Variants in CYP4F12 observed in about 807,000 individuals in gnomAD.
The protein encoded by CYP4F12 is cytochrome P450 family 4 subfamily F member 12.
In CYP4F12, 60 loss-of-function variants were observed where a neutral mutation model predicts 56.5. The observed-to-expected ratio is 1.06, with a 90% CI of 0.86 to 1.32. The LOEUF (loss-of-function observed/expected upper bound fraction) is 1.32, where lower values mean the gene tolerates loss of function less well. Among genes scored for constraint, CYP4F12 ranks in the 40% most tolerant of loss-of-function variants. CYP4F12 has a pLI of 0.00. For missense variants in CYP4F12, 711 were observed against 683.5 expected (o/e 1.04, Z -0.45); for synonymous variants, 263 against 264.9 (o/e 0.99, Z 0.07).
At chr19:15,691,695 T>G (rs1217515001) in intron 9 of CYP4F12, among the ~76,000 whole-genome samples, 5 of 107,554 alleles carry the variant, frequency 4.6e-5, no homozygotes, top group East Asian at 1.1e-3. Flanking sequence ...ACAATTAATG[T>G]TTTTTTTTTC....
At chr19:15,692,717 G>C (rs1011708874) in intron 9 of CYP4F12, among the ~76,000 whole-genome samples, 12 of 152,108 alleles carry the variant, frequency 7.9e-5, no homozygotes, top group African/African-American at 2.9e-4. Flanking sequence ...CGCCAGAGTA[G>C]GGATAACCTT....
intron 6 of CYP4F12, among the ~76,000 whole-genome samples, chr19:15,682,849 T>C (rs915485476): frequency 3.3e-5 from 5 of 152,142 alleles, no homozygotes; most frequent in African/African-American, 4.8e-5. Flanking sequence ...TGATGATGGA[T>C]GTGATAAGAG....
intron 5 of CYP4F12, chr19:15,680,907 A>T: frequency 3.0e-6 from 1 of 331,576 alleles, no homozygotes; most frequent in Non-Finnish European, 5.9e-6. Context: ...GGAAGGGATC[A>T]CTCTTGGCAC....
intron 10 of CYP4F12, 30 bp from the exon 11 acceptor site, chr19:15,696,131 T>G: frequency 6.2e-7 from 1 of 1,612,584 alleles, no homozygotes. Context: ...CAGGGGATCC[T>G]TGTCCTGACT....
intron 9 of CYP4F12, among the ~76,000 whole-genome samples, chr19:15,695,507 A>T (rs868069818): frequency 1.2e-4 from 17 of 138,096 alleles, no homozygotes; most frequent in South Asian, 2.3e-4. Flanking sequence ...TAATAATAAA[A>T]AAAAAAAAAC....
rs747637199 is a variant in CYP4F12 at position 15,696,485 on chromosome 19, C to T, written c.1370C>T (p.Ala457Val). 17 of 1,614,094 alleles carry T rather than the reference C, an allele frequency of 1.1e-5. No homozygotes were observed. In the South Asian group the frequency reaches 1.9e-4, roughly 18 times the overall value. The change falls in exon 12 of 13, where the codon GCT becomes GTT. Residue 457 changes from alanine (A) to valine (V), a missense_variant. By Grantham distance (64) the Ala-to-Val change is moderately conservative. Coordinates refer to ENST00000550308, the MANE Select transcript of CYP4F12 (RefSeq NM_023944.4). The stretch of plus-strand genomic sequence containing the variant: ...AACAGCAAGGGGAGGTCACCTCTGG[C>T]TTTTATTCCTTTCTCCGCAGGGCCC... ...PENSKGRSPL[A>V]FIPFSAGPRN...
At chr19:15,693,499 A>G (rs1226045249) in intron 9 of CYP4F12, among the ~76,000 whole-genome samples, 2 of 150,746 alleles carry the variant, frequency 1.3e-5, no homozygotes, top group Admixed American at 6.6e-5. Flanking sequence ...TCTTTTGAGA[A>G]GTGTCTGTTC....
intron 3 of CYP4F12, among the ~76,000 whole-genome samples, chr19:15,679,591 T>C (rs1199790148): frequency 6.6e-6 from 1 of 152,222 alleles, no homozygotes; most frequent in African/African-American, 2.4e-5. Context: ...TTGGGGCATG[T>C]CAGAGACTTT....
At chr19:15,681,080 T>C (rs1000617577) in intron 5 of CYP4F12, 2 of 171,084 alleles carry the variant, frequency 1.2e-5, no homozygotes, top group Middle Eastern at 2.9e-3. Context: ...GTTGTTCACA[T>C]GGCAGAGACT....
In CYP4F12 at chr19:15,678,287, G is replaced by A. The variant is rs758732575; in HGVS notation, c.225G>A (p.Lys75=). 1 of 1,614,182 alleles carries A rather than the reference G, an allele frequency of 6.2e-7. No individual in the cohort carries two copies. Among genetic ancestry groups the A allele is most frequent in the South Asian group, 1.1e-5 (1 of 91,088 alleles). Residue 75 remains lysine (K), a synonymous_variant, in exon 3 of 13, where the codon AAG becomes AAA. Transcript: ENST00000550308. ...GLITPTEEGL[K]NSTQMSATYS... The stretch of plus-strand genomic sequence containing the variant: ...TCACTCCTACAGAGGAGGGCTTGAA[G>A]AACTCGACCCAGATGTCGGCCACCT...
Position 15,696,162 on chromosome 19 carries a change from C to A in CYP4F12, c.1251C>A (p.Gly417=). 6.2e-7 allele frequency: 1 copy of A among 1,613,890 alleles called. No homozygotes were observed. Among genetic ancestry groups the A allele is most frequent in the Non-Finnish European group, 8.5e-7 (1 of 1,179,874 alleles). ...TGACTGCCCCTTTCTCTCCCACAGG[C>A]ATTACCTGCCTCATCGATATTATAG... The part of the protein sequence containing the change: ...VLPDGRVIPK[G]ITCLIDIIGV... Residue 417 remains glycine, a splice_region_variant and synonymous_variant, in exon 11 of 13, where the codon GGC becomes GGA. Transcript: ENST00000550308.
Position 15,683,746 on chromosome 19 carries a change from G to A in CYP4F12, c.901G>A (p.Val301Met), listed in dbSNP as rs751700676. 3 of 1,564,098 alleles carry A rather than the reference G, an allele frequency of 1.9e-6. No individual in the cohort carries two copies. Among genetic ancestry groups the A allele is most frequent in the Admixed American group, 3.9e-5 (2 of 51,856 alleles). The change falls in exon 7 of 13, where the codon GTG becomes ATG. Residue 301 changes from valine to methionine, a missense_variant. By Grantham distance (21) the Val-to-Met change is conservative (BLOSUM62 1). Coordinates refer to ENST00000550308, the MANE Select transcript of CYP4F12 (RefSeq NM_023944.4). ...GTCCAAGACTTTGGATTTCATTGAT[G>A]TGCTTCTGCTGAGCAAGGTAGGTTT... ...AKSKTLDFID[V>M]LLLSKDEDGK...
At chr19:15,693,764 A>G (rs2007989316) in intron 9 of CYP4F12, among the ~76,000 whole-genome samples, 1 of 149,864 alleles carries the variant, frequency 6.7e-6, no homozygotes, top group South Asian at 2.1e-4. Context: ...GTCCTTGCCC[A>G]TGTCTATGTC....
At chr19:15,680,027 G>T (rs1454032098) in intron 3 of CYP4F12, among the ~76,000 whole-genome samples, 2 of 152,188 alleles carry the variant, frequency 1.3e-5, no homozygotes, top group African/African-American at 2.4e-5. Context: ...GCGTGCTGGG[G>T]TGTGCTATGA....
At chr19:15,692,996 T>A (rs1391569128) in intron 9 of CYP4F12, among the ~76,000 whole-genome samples, 1 of 152,130 alleles carries the variant, frequency 6.6e-6, no homozygotes, top group Non-Finnish European at 1.5e-5. Flanking sequence ...TAGAATCACT[T>A]GAACCAGGGA....
At position 15,696,484 on chromosome 19, in the gene CYP4F12, G is replaced by C; in HGVS notation, c.1369G>C (p.Ala457Pro). 6.2e-7 allele frequency: 1 copy of C among 1,614,058 alleles called. No individual in the cohort carries two copies. The highest frequency in any genetic ancestry group is 8.5e-7 in the Non-Finnish European group (1 of 1,179,990). ...GAACAGCAAGGGGAGGTCACCTCTG[G>C]CTTTTATTCCTTTCTCCGCAGGGCC... ...PENSKGRSPLAFIPFSAGPRN... is the reference protein window; with the variant it reads ...PENSKGRSPLPFIPFSAGPRN... The change falls in exon 12 of 13, where the codon GCT (alanine) becomes CCT (proline). Residue 457 changes from alanine to proline, a missense_variant. Physicochemically the swap from Ala to Pro is conservative, Grantham distance 27 (BLOSUM62 -1). Transcript: ENST00000550308.
intron 10 of CYP4F12, 26 bp from the exon 11 acceptor site, chr19:15,696,135 C>A (rs916291102): frequency 6.2e-7 from 1 of 1,612,520 alleles, no homozygotes; most frequent in Non-Finnish European, 8.5e-7. Flanking sequence ...GGATCCTTGT[C>A]CTGACTGCCC....
In CYP4F12 at chr19:15,680,258, A is replaced by G. The variant is rs747450284; in HGVS notation, c.358A>G (p.Lys120Glu). 14 of 1,606,596 alleles carry G rather than the reference A, an allele frequency of 8.7e-6. No homozygotes were observed. The highest frequency in any genetic ancestry group is 4.5e-5 in the East Asian group (2 of 44,868). The part of the protein sequence containing the change: ...ITNASAAIAP[K>E]DNLFIRFLKP... ...GTTCATGTCAGCTGCCATTGCACCC[A>G]AGGATAATCTCTTCATCAGGTTCCT... Residue 120 changes from lysine (K) to glutamate (E), a missense_variant, in exon 4 of 13, where the codon AAG becomes GAG. Lys to Glu is a moderately conservative substitution (Grantham distance 56). Coordinates refer to ENST00000550308, the MANE Select transcript of CYP4F12 (RefSeq NM_023944.4).
At chr19:15,684,000 T>C in intron 7 of CYP4F12, 2 of 388,596 alleles carry the variant, frequency 5.1e-6, no homozygotes, top group Non-Finnish European at 9.0e-6. Context: ...AGTGTGTTAG[T>C]CTTTCACATT....
Sources: allele counts gnomAD v4.1 joint callset (sites outside exome capture counted in the v4.1 genomes callset), GRCh38; gene constraint gnomAD v4.1.1; transcripts MANE v1.5; gene names NCBI Gene and HGNC (gene_info 2026-07-23, HGNC 2026-07-21).